The following TNIP1 variants were observed in gnomAD, a reference collection of about 807,000 sequenced individuals.
TNIP1 encodes the protein TNFAIP3 interacting protein 1, also known as TNFAIP3-interacting protein 1.
TNIP1 carries 22 observed loss-of-function variants against 86.6 expected under a neutral mutation model. That is an observed-to-expected ratio of 0.25 (90% CI 0.18 to 0.36). TNIP1 has a LOEUF of 0.36. TNIP1 is among the 10% of genes least tolerant of loss of function. The pLI is 1.00. For synonymous variants in TNIP1, 294 were observed against 313.0 expected (o/e 0.94, Z 0.64); for missense variants, 709 against 820.6 (o/e 0.86, Z 1.66).
chr5:151,036,636 A>G (rs1757738096), intron 13 of TNIP1, among the ~76,000 whole-genome samples, 154 bp downstream of exon 13: 1 of 152,248 alleles, frequency 6.6e-6, no homozygotes, highest in Non-Finnish European at 1.5e-5. Context: ...GGTGCTGGAA[A>G]GGATAAACCT....
At chr5:151,041,448 G>A (rs1679542434) in intron 11 of TNIP1, among the ~76,000 whole-genome samples, 1 of 152,208 alleles carries the variant, frequency 6.6e-6, no homozygotes, top group Non-Finnish European at 1.5e-5. Flanking sequence ...ACAGCTCACT[G>A]AAGCTTCCAA....
rs371782529 is a variant in TNIP1, at chr5:151,049,873, G to A, written c.797C>T (p.Ser266Leu). The A allele has an allele frequency of 2.7e-5, 44 of 1,614,066 alleles. No homozygotes were observed. The highest frequency in any genetic ancestry group is 3.6e-5 in the Non-Finnish European group (43 of 1,180,036). Residue 266 changes from serine to leucine, a missense_variant, in exon 8 of 18, where the codon TCA becomes TTA. By Grantham distance (145) the Ser-to-Leu change is moderately radical (BLOSUM62 -2). Transcript: ENST00000521591. ...CTTGCCTGTCCCTTCCATCTTCGGT[G>A]AGCCTGGCCGCCCAGACGCACCCTC... ...NKEGASGRPG[S>L]PKMEGTGKKA...
intron 9 of TNIP1, 37 bp downstream of exon 9, chr5:151,045,824 G>A (rs770913290): frequency 6.2e-7 from 1 of 1,602,470 alleles, no homozygotes; most frequent in South Asian, 1.1e-5. Flanking sequence ...CGGGAGGTAA[G>A]AGGGATCCTC....
At chr5:151,085,313 A>C (rs1220448446), upstream of TNIP1, among the ~76,000 whole-genome samples, 2 of 152,170 alleles carry the variant, frequency 1.3e-5, no homozygotes, top group East Asian at 3.9e-4. Context: ...GGCCTCAGTG[A>C]AAGGTAGCGA....
At position 151,033,658 on chromosome 5, in the gene TNIP1, TG is replaced by T; in HGVS notation, c.1728del (p.Met577TrpfsTer38). 1 of 411,286 alleles carries T rather than the reference TG, an allele frequency of 2.4e-6. No homozygotes were observed. Among genetic ancestry groups the T allele is most frequent in the Non-Finnish European group, 3.5e-6 (1 of 284,920 alleles). 25.5% of individuals were successfully genotyped at this position (411,286 alleles called of 1,614,324 possible). ...DWSQIRYPPP[P>X]MAMEHPPPLP... ...AGTGGGGGCGGGTGCTCCATGGCCA[TG>T]GGGGGAGGGGGGTAGCGGATCTGGG... On this transcript the variant is annotated frameshift_variant, in exon 16 of 18. Transcript: ENST00000521591. LOFTEE classifies it high-confidence loss of function.
intron 9 of TNIP1, among the ~76,000 whole-genome samples, chr5:151,044,474 A>C (rs186509280): frequency 2.3e-4 from 35 of 152,336 alleles, no homozygotes; most frequent in Admixed American, 7.8e-4. Flanking sequence ...AACAAACTGT[A>C]ATCAGTTGTG....
chr5:151,043,004 G>C, intron 9 of TNIP1, 43 bp from the exon 10 acceptor site: 2 of 1,605,384 alleles, frequency 1.2e-6, no homozygotes, highest in Non-Finnish European at 1.7e-6. Flanking sequence ...AGCAGAGAAG[G>C]AACAAGGAGA....
intron 12 of TNIP1, among the ~76,000 whole-genome samples, chr5:151,038,674 G>C (rs1031227316): frequency 5.3e-5 from 8 of 152,168 alleles, no homozygotes; most frequent in African/African-American, 1.9e-4. Context: ...ACACCTTGGT[G>C]AAAGTATGCA....
At chr5:151,064,894 T>C in intron 2 of TNIP1, 66 bp downstream of exon 2, 2 of 1,606,310 alleles carry the variant, frequency 1.2e-6, no homozygotes, top group Non-Finnish European at 1.7e-6. Flanking sequence ...CCACTGCTAG[T>C]AGAGGGACTG....
chr5:151,083,990 G>A (rs1764178169), upstream of TNIP1, among the ~76,000 whole-genome samples: 3 of 152,204 alleles, frequency 2.0e-5, no homozygotes, highest in South Asian at 2.1e-4. Context: ...AAGCTTTGAG[G>A]TATTAGATGA....
At chr5:151,079,861 G>A (rs895944550) in intron 1 of TNIP1, among the ~76,000 whole-genome samples, 4 of 151,988 alleles carry the variant, frequency 2.6e-5, no homozygotes, top group Non-Finnish European at 4.4e-5. Flanking sequence ...ATCAGATGCC[G>A]AATTCCCCTC....
intron 1 of TNIP1, among the ~76,000 whole-genome samples, chr5:151,073,243 AGG>A (rs57615918): frequency 6.7e-6 from 1 of 149,160 alleles, no homozygotes; most frequent in African/African-American, 2.5e-5. Flanking sequence ...AAAAAAAAAA[AGG>A]GGTGTTTGAG....
At chr5:151,069,968 G>A (rs1212782222) in intron 1 of TNIP1, among the ~76,000 whole-genome samples, 1 of 152,176 alleles carries the variant, frequency 6.6e-6, no homozygotes, top group Non-Finnish European at 1.5e-5. Flanking sequence ...GAGGCAGGAA[G>A]AAAGGTCCAC....
In TNIP1 at chr5:151,039,365, G is replaced by A. The variant is rs544871305; in HGVS notation, c.1135-140C>T. 24 of 859,944 alleles carry A rather than the reference G, an allele frequency of 2.8e-5. No homozygotes were observed. The South Asian group carries it at 4.1e-4, about 15-fold the overall frequency. The allele number at this position is 859,944 out of a possible 1,614,324, so 53.3% of individuals were successfully genotyped here. ...GCTCACATGCAAAGCACCTGGGGTC[G>A]GTACAGTAATGTCCATCCGGTCCTG... On this transcript the variant is annotated intron_variant, in intron 11 of 17. Coordinates refer to ENST00000521591, the MANE Select transcript of TNIP1 (RefSeq NM_006058.5).
Position 151,056,930 on chromosome 5 carries a change from C to A in TNIP1, c.463G>T (p.Gly155Cys). The A allele has an allele frequency of 1.9e-6, 3 of 1,569,178 alleles. No homozygotes were observed. The highest frequency in any genetic ancestry group is 2.4e-5 in the East Asian group (1 of 41,092). Residue 155 changes from glycine (G) to cysteine (C), a missense_variant, in exon 6 of 18, where the codon GGC becomes TGC. Physicochemically the swap from Gly to Cys is radical, Grantham distance 159. Coordinates refer to ENST00000521591, the MANE Select transcript of TNIP1 (RefSeq NM_006058.5). Reference protein sequence around the residue: ...MALGPLPREDGNLMLHLQRLE... With the variant: ...MALGPLPREDCNLMLHLQRLE... Reference sequence around the variant, plus strand: ...CGCTGCAGGTGCAGCATCAGGTTGCCGTCCTCACGGGGCAGGGGGCCCAGC... The same window carrying A: ...CGCTGCAGGTGCAGCATCAGGTTGCAGTCCTCACGGGGCAGGGGGCCCAGC...
At chr5:151,039,353 G>T in intron 11 of TNIP1, 128 bp from the exon 12 acceptor site, 1 of 1,044,224 alleles carries the variant, frequency 9.6e-7, no homozygotes, top group Non-Finnish European at 1.3e-6. Flanking sequence ...CACATGCAAA[G>T]CACCTGGGGT....
At chr5:151,063,879 T>C in intron 2 of TNIP1, 132 bp from the exon 3 acceptor site, 4 of 1,166,962 alleles carry the variant, frequency 3.4e-6, no homozygotes, top group Non-Finnish European at 4.8e-6. Flanking sequence ...CTCCCACCGT[T>C]GCTCTGTGGG....
At chr5:151,049,310 G>A (rs6862024) in intron 8 of TNIP1, among the ~76,000 whole-genome samples, 39,375 of 151,888 alleles carry the variant, frequency 0.26, 6,122 homozygotes, top group Non-Finnish European at 0.36. Flanking sequence ...ATAGGGGAGT[G>A]GGCCAGCCCT....
rs2233291 is a variant in TNIP1 at position 151,056,657 on chromosome 5, C to G, written c.627+109G>C. The G allele has an allele frequency of 4.3e-3, 4,768 of 1,113,444 alleles. 158 individuals carry two copies. The African/African-American group carries it at 0.07, about 16-fold the overall frequency. The allele number at this position is 1,113,444 out of a possible 1,614,324, so 69.0% of individuals were successfully genotyped here. A position where few individuals can be genotyped will look rare whatever the true frequency, so the allele number is the denominator to read the frequency against. ...AGCCCGAAGTCTGCCCACAACACAG[C>G]CTTCAGAAGTCCCCATGGTACCAGT... is the stretch of plus-strand genomic sequence containing the variant. On this transcript the variant is annotated intron_variant, in intron 6 of 17. Transcript: ENST00000521591.
Sources: allele counts gnomAD v4.1 joint callset (sites outside exome capture counted in the v4.1 genomes callset), GRCh38; gene constraint gnomAD v4.1.1; transcripts MANE v1.5; gene names NCBI Gene and HGNC (gene_info 2026-07-23, HGNC 2026-07-21).